Variants in NTRK3 observed in about 807,000 individuals in gnomAD.
NTRK3 encodes the protein neurotrophic receptor tyrosine kinase 3, also known as NT-3 growth factor receptor.
Under a neutral mutation model 91.7 loss-of-function variants are expected in NTRK3, and 24 were observed. The observed-to-expected ratio is 0.26, with a 90% confidence interval of 0.19 to 0.37. The LOEUF (loss-of-function observed/expected upper bound fraction) is 0.37, where lower values mean the gene tolerates loss of function less well. NTRK3 is among the 10% of genes least tolerant of loss of function. The pLI is 1.00. For synonymous variants in NTRK3, 483 were observed against 404.0 expected (o/e 1.20, Z -2.34); for missense variants, 880 against 1,068.9 (o/e 0.82, Z 2.46).
intron 3 of NTRK3, among the ~76,000 whole-genome samples, chr15:88,224,598 G>A (rs1418171813): frequency 6.6e-6 from 1 of 152,186 alleles, no homozygotes; most frequent in Non-Finnish European, 1.5e-5. Flanking sequence ...GTCCATAGCA[G>A]GGCCTGGAAC....
intron 5 of NTRK3, among the ~76,000 whole-genome samples, chr15:88,178,123 G>A (rs1377396092): frequency 1.3e-5 from 2 of 152,308 alleles, no homozygotes; most frequent in East Asian, 3.9e-4. Context: ...AGCAGTGAGG[G>A]AGACCAGTGT....
intron 5 of NTRK3, among the ~76,000 whole-genome samples, chr15:88,155,638 C>T (rs930134512): frequency 6.6e-6 from 1 of 152,104 alleles, no homozygotes; most frequent in South Asian, 2.1e-4. Context: ...GTGTGACAAC[C>T]CCTTGTCTAG....
intron 13 of NTRK3, among the ~76,000 whole-genome samples, chr15:88,118,747 G>A (rs1188704600): frequency 6.6e-6 from 1 of 152,230 alleles, no homozygotes; most frequent in Non-Finnish European, 1.5e-5. Context: ...TAGGGCATAA[G>A]GCATGTGATC....
intron 3 of NTRK3, among the ~76,000 whole-genome samples, chr15:88,189,743 C>G (rs913897314): frequency 1.3e-5 from 2 of 152,138 alleles, no homozygotes; most frequent in Admixed American, 1.3e-4. Flanking sequence ...CATTGCCAAC[C>G]AGATGGTACT....
intron 3 of NTRK3, among the ~76,000 whole-genome samples, chr15:88,248,309 G>A (rs949636982): frequency 1.3e-5 from 2 of 152,138 alleles, no homozygotes; most frequent in Non-Finnish European, 2.9e-5. Context: ...GAGACCAAAA[G>A]CCTCCCCCAC....
intron 14 of NTRK3, among the ~76,000 whole-genome samples, chr15:88,012,337 T>C (rs942527530): frequency 1.3e-5 from 2 of 152,214 alleles, no homozygotes; most frequent in African/African-American, 4.8e-5. Flanking sequence ...TCCTTCCTTA[T>C]TATTCACAAA....
chr15:88,236,178 A>C (rs993165358), intron 3 of NTRK3, among the ~76,000 whole-genome samples: 4 of 152,234 alleles, frequency 2.6e-5, no homozygotes, highest in African/African-American at 9.6e-5. Flanking sequence ...ATAATACTCC[A>C]AAACTAGAAA....
chr15:88,085,473 C>T (rs1456736034), intron 13 of NTRK3, among the ~76,000 whole-genome samples: 4 of 152,210 alleles, frequency 2.6e-5, no homozygotes, highest in Non-Finnish European at 4.4e-5. Flanking sequence ...TCTGCCCCTT[C>T]AGCCGGCACC....
intron 15 of NTRK3, 149 bp from the exon 16 acceptor site, chr15:87,933,333 A>C: frequency 1.5e-4 from 113 of 768,642 alleles, no homozygotes; most frequent in Non-Finnish European, 1.9e-4. Flanking sequence ...GCTCAATCTC[A>C]ACTATAAGGC....
chr15:88,029,243 T>C (rs1032493180), intron 14 of NTRK3, among the ~76,000 whole-genome samples: 1 of 152,196 alleles, frequency 6.6e-6, no homozygotes, highest in African/African-American at 2.4e-5. Flanking sequence ...AAAGGCTAAA[T>C]AAATGCAGAA....
intron 14 of NTRK3, among the ~76,000 whole-genome samples, chr15:87,969,771 T>C (rs914296754): frequency 2.0e-5 from 3 of 152,188 alleles, no homozygotes; most frequent in African/African-American, 4.8e-5. Flanking sequence ...TTCAGACTAT[T>C]TGTTAGGCAG....
intron 13 of NTRK3, among the ~76,000 whole-genome samples, chr15:88,099,547 A>G (rs906308571): frequency 1.3e-5 from 2 of 152,180 alleles, no homozygotes; most frequent in African/African-American, 4.8e-5. Flanking sequence ...GATTCATGAA[A>G]CAAAGAGGCT....
intron 3 of NTRK3, among the ~76,000 whole-genome samples, chr15:88,199,117 G>A (rs2048074659): frequency 6.6e-6 from 1 of 152,172 alleles, no homozygotes; most frequent in Admixed American, 6.5e-5. Context: ...GGTGGGGTGG[G>A]GAGAAGGAGG....
chr15:88,149,773 C>T (rs1393669822), intron 5 of NTRK3, among the ~76,000 whole-genome samples: 3 of 152,210 alleles, frequency 2.0e-5, no homozygotes, highest in African/African-American at 4.8e-5. Flanking sequence ...ACCAGGAGTT[C>T]GAACTTGGGG....
intron 3 of NTRK3, among the ~76,000 whole-genome samples, chr15:88,197,660 G>A (rs767280612): frequency 3.9e-5 from 6 of 152,242 alleles, no homozygotes; most frequent in Non-Finnish European, 8.8e-5. Context: ...GCTGGAAGCT[G>A]AGAGGAAAGG....
At position 88,081,870 on chromosome 15, in the gene NTRK3, T is replaced by C. The variant is rs1183592799; in HGVS notation, c.1396+44401A>G. 3.9e-5 allele frequency among the ~76,000 whole-genome samples: 6 copies of C among 152,290 alleles called. No individual in the cohort carries two copies. In the Middle Eastern group the frequency reaches 0.01, roughly 259 times the overall value. ...GCTGAGGCCATTCGATCAGAGCCCA[T>C]TCAGGTGCACTCAACTCTGCTGTGG... On this transcript the variant is annotated intron_variant, in intron 13 of 18. Coordinates refer to ENST00000394480, the Ensembl canonical transcript of NTRK3.
intron 14 of NTRK3, among the ~76,000 whole-genome samples, chr15:88,006,532 A>C (rs1354077019): frequency 2.0e-5 from 3 of 152,228 alleles, no homozygotes; most frequent in Non-Finnish European, 2.9e-5. Flanking sequence ...AGGCAGCTCT[A>C]TCTGGGGGCA....
chr15:87,897,333 C>T (rs761243076), intron 17 of NTRK3, among the ~76,000 whole-genome samples: 2 of 151,536 alleles, frequency 1.3e-5, no homozygotes, highest in African/African-American at 2.4e-5. Flanking sequence ...TTTCTGACAC[C>T]TCATTGTCCT....
intron 14 of NTRK3, among the ~76,000 whole-genome samples, chr15:87,955,765 T>C (rs2141154615): frequency 6.6e-6 from 1 of 152,280 alleles, no homozygotes; most frequent in Admixed American, 6.5e-5. Flanking sequence ...ACAAAGGAGA[T>C]CGTTGTTGAC....
Sources: allele counts gnomAD v4.1 joint callset (sites outside exome capture counted in the v4.1 genomes callset), GRCh38; gene constraint gnomAD v4.1.1; transcripts MANE v1.5; gene names NCBI Gene and HGNC (gene_info 2026-07-23, HGNC 2026-07-21).